The following IL6ST variants were observed in gnomAD, a reference collection of about 807,000 sequenced individuals.
IL6ST encodes interleukin-6 receptor subunit beta.
IL6ST carries 24 observed loss-of-function variants against 91.3 expected under a neutral mutation model. That is an observed-to-expected ratio of 0.26 (90% CI 0.19 to 0.37). The LOEUF (loss-of-function observed/expected upper bound fraction) is 0.37, where lower values mean the gene tolerates loss of function less well. IL6ST is among the 10% of genes least tolerant of loss of function. The pLI, the probability that IL6ST is intolerant of heterozygous loss-of-function variation, is 1.00. For synonymous variants in IL6ST, 351 were observed against 373.6 expected, an observed-to-expected ratio of 0.94 and a Z score of 0.70; for missense variants, 914 against 1,078.5, an observed-to-expected ratio of 0.85 and a Z score of 2.14.
chr5:55,976,383 G>T, intron 2 of IL6ST, 90 bp from the exon 3 acceptor site: 1 of 610,664 alleles, frequency 1.6e-6, no homozygotes, highest in Non-Finnish European at 2.6e-6. Flanking sequence ...TGCTGTAGCT[G>T]TGTTTCTAAA....
At chr5:55,978,033 T>C (rs1431991814) in intron 2 of IL6ST, among the ~76,000 whole-genome samples, 5 of 152,004 alleles carry the variant, frequency 3.3e-5, no homozygotes, top group Non-Finnish European at 7.4e-5. Context: ...CAAAATTCAC[T>C]GAATTCTGTG....
intron 2 of IL6ST, among the ~76,000 whole-genome samples, chr5:55,978,595 G>A (rs7735765): frequency 0.029 from 4,382 of 152,150 alleles, 139 homozygotes; most frequent in African/African-American, 0.07. Flanking sequence ...GCGTGGTGGC[G>A]GCCGCCTGTA....
intron 5 of IL6ST, among the ~76,000 whole-genome samples, chr5:55,967,438 CAA>C (rs1233691684): frequency 6.9e-6 from 1 of 145,548 alleles, no homozygotes; most frequent in African/African-American, 2.6e-5. Flanking sequence ...ATTTAAGAGA[CAA>C]GACATAAATT....
intron 1 of IL6ST, among the ~76,000 whole-genome samples, chr5:55,985,754 T>C (rs1393511758): frequency 6.6e-6 from 1 of 152,194 alleles, no homozygotes; most frequent in Non-Finnish European, 1.5e-5. Flanking sequence ...AATCAGTTGT[T>C]CACAGGTGTG....
intron 2 of IL6ST, among the ~76,000 whole-genome samples, chr5:55,979,913 A>C (rs1157152034): frequency 6.6e-6 from 1 of 152,196 alleles, no homozygotes; most frequent in Non-Finnish European, 1.5e-5. Flanking sequence ...GTATACCAAA[A>C]CCATGTAAAT....
intron 14 of IL6ST, chr5:55,950,349 C>T (rs1347163196): frequency 3.0e-6 from 1 of 335,716 alleles, no homozygotes; most frequent in East Asian, 7.8e-5. Context: ...CCATCCCAGC[C>T]AACATGGTGA....
intron 16 of IL6ST, 91 bp downstream of exon 16, chr5:55,942,579 A>T (rs1192747954): frequency 6.4e-6 from 4 of 620,210 alleles, no homozygotes; most frequent in Non-Finnish European, 1.2e-5. Flanking sequence ...GTACATTTGT[A>T]GATACTCAAT....
At position 55,969,673 on chromosome 5, in the gene IL6ST, T is replaced by A; in HGVS notation, c.247A>T (p.Asn83Tyr). 6.2e-7 allele frequency: 1 copy of A among 1,612,714 alleles called. No homozygotes were observed. Among genetic ancestry groups the A allele is most frequent in the Non-Finnish European group, 8.5e-7 (1 of 1,178,772 alleles). ...AAGGTGACACTGGATGCTGTTCTGT[T>A]TATGATAGTATATTGCTCCTTAGGA... ...TIPKEQYTII[N>Y]RTASSVTFTD... The change falls in exon 4 of 17, where the codon AAC becomes TAC. Residue 83 changes from asparagine to tyrosine, a missense_variant. Transcript: ENST00000381298.
intron 6 of IL6ST, among the ~76,000 whole-genome samples, chr5:55,963,857 A>G (rs1047654882): frequency 5.3e-5 from 8 of 152,144 alleles, no homozygotes; most frequent in African/African-American, 1.9e-4. Context: ...CAAAGTGAAA[A>G]CAGCTGTTAA....
At chr5:55,989,523 AG>A (rs1754193685) in intron 1 of IL6ST, among the ~76,000 whole-genome samples, 1 of 152,230 alleles carries the variant, frequency 6.6e-6, no homozygotes, top group Non-Finnish European at 1.5e-5. Flanking sequence ...TTATGACCTT[AG>A]GGCCTTTTAA....
intron 1 of IL6ST, among the ~76,000 whole-genome samples, chr5:55,985,064 T>C (rs1055500200): frequency 2.0e-5 from 3 of 152,370 alleles, no homozygotes; most frequent in Non-Finnish European, 2.9e-5. Flanking sequence ...GAAGATATTC[T>C]GGCCTTTATT....
chr5:55,951,705 T>G, intron 13 of IL6ST, 101 bp from the exon 14 acceptor site: 1 of 1,200,022 alleles, frequency 8.3e-7, no homozygotes, highest in Non-Finnish European at 1.2e-6. Context: ...AGCGAAGTAT[T>G]TTTGTTGGAA....
intron 3 of IL6ST, among the ~76,000 whole-genome samples, chr5:55,971,828 A>G (rs922164979): frequency 2.6e-4 from 39 of 152,138 alleles, no homozygotes; most frequent in African/African-American, 9.4e-4. Context: ...TGTATCCCCA[A>G]ATGGAATCCC....
intron 1 of IL6ST, among the ~76,000 whole-genome samples, chr5:55,988,548 C>T (rs1754123090): frequency 1.3e-5 from 2 of 152,038 alleles, no homozygotes; most frequent in South Asian, 2.1e-4. Flanking sequence ...AGGCAGATCA[C>T]CTGAGGTTGG....
At position 55,960,556 on chromosome 5, in the gene IL6ST, A is replaced by C. The variant is rs1752249575; in HGVS notation, c.819T>G (p.Pro273=). The C allele has an allele frequency of 6.2e-7, 1 of 1,610,578 alleles. No individual in the cohort carries two copies. Among genetic ancestry groups the C allele is most frequent in the Non-Finnish European group, 8.5e-7 (1 of 1,178,832 alleles). ...TKDASTWSQI[P]PEDTASTRSS... Reference sequence around the variant, plus strand: ...ATCGGGTGGATGCTGTGTCTTCAGGAGGAATCTGAAACAAAGCAAACCAAA... The same window carrying C: ...ATCGGGTGGATGCTGTGTCTTCAGGCGGAATCTGAAACAAAGCAAACCAAA... Residue 273 remains proline, a synonymous_variant, in exon 8 of 17, where the codon CCT becomes CCG. Coordinates refer to ENST00000381298, the MANE Select transcript of IL6ST (RefSeq NM_002184.4).
At chr5:55,959,566 C>T in intron 8 of IL6ST, 1 of 847,250 alleles carries the variant, frequency 1.2e-6, no homozygotes, top group South Asian at 1.5e-5. Flanking sequence ...CTTTTTGTGC[C>T]TTTTTTATTC....
intron 14 of IL6ST, among the ~76,000 whole-genome samples, chr5:55,949,350 C>A (rs1433146957): frequency 1.3e-5 from 2 of 152,112 alleles, no homozygotes; most frequent in Non-Finnish European, 2.9e-5. Flanking sequence ...TGGTGCCTAC[C>A]AGCAGTCTTA....
rs185315740 is a variant in IL6ST at position 55,969,515 on chromosome 5, G to A, written c.370+35C>T. Reference sequence around the variant, plus strand: ...ATTAAAAATGCAGTTCAATAGTCATGACAAAGTCTGAAATAAGACAAAAAC... The same window carrying A: ...ATTAAAAATGCAGTTCAATAGTCATAACAAAGTCTGAAATAAGACAAAAAC... On this transcript the variant is annotated intron_variant, in intron 4 of 16. Transcript: ENST00000381298. The A allele has an allele frequency of 3.2e-4, 462 of 1,428,944 alleles. 1 individual carries two copies. The African/African-American group carries it at 6.1e-3, about 19-fold the overall frequency. The allele number at this position is 1,428,944 out of a possible 1,614,324, so 88.5% of individuals were successfully genotyped here.
At chr5:55,952,539 T>A (rs1751699928) in intron 11 of IL6ST, among the ~76,000 whole-genome samples, 188 bp from the exon 12 acceptor site, 1 of 152,212 alleles carries the variant, frequency 6.6e-6, no homozygotes, top group South Asian at 2.1e-4. Context: ...TGTAAAAGTA[T>A]TGCCAATGCA....
Sources: gnomAD v4.1 joint callset for allele counts (sites outside exome capture counted in the v4.1 genomes callset) on GRCh38, gnomAD v4.1.1 for gene constraint, MANE v1.5 for transcripts, NCBI Gene and HGNC (gene_info 2026-07-23, HGNC 2026-07-21) for gene names.